TAFA5: variants seen among roughly 807,000 people sequenced by gnomAD.
TAFA5 encodes TAFA chemokine like family member 5.
A neutral mutation model predicts 15.3 loss-of-function variants in TAFA5; 6 were observed. The observed-to-expected ratio is 0.39, with a 90% CI of 0.21 to 0.77. TAFA5 has a LOEUF of 0.77. TAFA5 is among the 30% of genes least tolerant of loss of function. The probability of loss-of-function intolerance (pLI) is 0.41; values close to 1 mark genes in which losing one functional copy is unlikely to be tolerated. For missense variants in TAFA5, 161 were observed against 193.1 expected, an observed-to-expected ratio of 0.83 and a Z score of 0.98; for synonymous variants, 103 against 80.7, an observed-to-expected ratio of 1.28 and a Z score of -1.48.
intron 1 of TAFA5, among the ~76,000 whole-genome samples, chr22:48,573,925 T>C (rs956376077): frequency 2.0e-5 from 3 of 151,648 alleles, no homozygotes; most frequent in African/African-American, 7.3e-5. Flanking sequence ...GGGCCAGGGG[T>C]GAGCACATGT....
intron 2 of TAFA5, among the ~76,000 whole-genome samples, chr22:48,650,197 G>C (rs1275950693): frequency 6.6e-6 from 1 of 152,190 alleles, no homozygotes; most frequent in African/African-American, 2.4e-5. Context: ...ATGTGAGTAG[G>C]GTTGAAATCG....
chr22:48,624,522 G>T (rs1168945110), intron 1 of TAFA5, among the ~76,000 whole-genome samples: 1 of 152,210 alleles, frequency 6.6e-6, no homozygotes, highest in South Asian at 2.1e-4. Context: ...CACTCTCACT[G>T]TTTATCAGTG....
chr22:48,508,472 T>C (rs765387745), intron 1 of TAFA5, among the ~76,000 whole-genome samples: 3 of 151,956 alleles, frequency 2.0e-5, no homozygotes, highest in Non-Finnish European at 2.9e-5. Context: ...AACGGCGCCA[T>C]ATGAGGAGGA....
intron 1 of TAFA5, among the ~76,000 whole-genome samples, chr22:48,614,106 G>A (rs1043725508): frequency 7.2e-5 from 11 of 152,200 alleles, no homozygotes; most frequent in Middle Eastern, 3.4e-3. Flanking sequence ...CAGGACAGCC[G>A]GTGTGCTTGG....
chr22:48,513,859 G>A (rs1921311457), intron 1 of TAFA5, among the ~76,000 whole-genome samples: 2 of 152,212 alleles, frequency 1.3e-5, no homozygotes, highest in Admixed American at 1.3e-4. Flanking sequence ...TCTGGGCGCT[G>A]TGGGGGCCAA....
At chr22:48,727,867 G>A (rs924833817) in intron 3 of TAFA5, among the ~76,000 whole-genome samples, 12 of 152,198 alleles carry the variant, frequency 7.9e-5, no homozygotes, top group African/African-American at 2.4e-4. Context: ...AGTTCAGACT[G>A]TAATGAAAGT....
chr22:48,636,735 C>T (rs1443755912), intron 1 of TAFA5, among the ~76,000 whole-genome samples: 1 of 152,218 alleles, frequency 6.6e-6, no homozygotes, highest in African/African-American at 2.4e-5. Flanking sequence ...GCTGTGAAGC[C>T]TGGAGATGGC....
chr22:48,616,426 C>CCCTAATGCATCA (rs1297094555), intron 1 of TAFA5, among the ~76,000 whole-genome samples: 1 of 152,210 alleles, frequency 6.6e-6, no homozygotes, highest in Non-Finnish European at 1.5e-5. Context: ...CTGGGAGCAT[C>CCCTAATGCATCA]CCTAATGCAT....
chr22:48,670,141 C>A (rs75220874), intron 2 of TAFA5, among the ~76,000 whole-genome samples: 2 of 152,116 alleles, frequency 1.3e-5, no homozygotes, highest in African/African-American at 4.8e-5. Context: ...GACAGCTCTC[C>A]GGGCTGTGCG....
At chr22:48,622,973 C>T (rs896230823) in intron 1 of TAFA5, among the ~76,000 whole-genome samples, 5 of 152,246 alleles carry the variant, frequency 3.3e-5, no homozygotes, top group East Asian at 1.9e-4. Flanking sequence ...GTGGACACTT[C>T]GCTCCATTCA....
intron 1 of TAFA5, among the ~76,000 whole-genome samples, chr22:48,510,942 A>G (rs133516): frequency 0.95 from 144,710 of 152,356 alleles, 68,847 homozygotes; most frequent in East Asian, 1. Context: ...CATCTTTGGA[A>G]GATTTCTCAC....
chr22:48,646,454 C>A, intron 1 of TAFA5, 143 bp from the exon 2 acceptor site: 1 of 1,070,460 alleles, frequency 9.3e-7, no homozygotes, highest in Non-Finnish European at 1.3e-6. Context: ...GAGGTGCTTT[C>A]GGACGCTCCC....
chr22:48,489,619 C>T lies in TAFA5; in HGVS notation c.27C>T (p.Ser9=), dbSNP rs761275063. The T allele has an allele frequency of 1.2e-5, 18 of 1,505,634 alleles. No homozygotes were observed. The highest frequency in any genetic ancestry group is 8.9e-7 in the Non-Finnish European group (1 of 1,125,392). 93.3% of individuals were successfully genotyped at this position (1,505,634 alleles called of 1,614,324 possible). A position where few individuals can be genotyped will look rare whatever the true frequency, so the allele number is the denominator to read the frequency against. The change falls in exon 1 of 4, where the codon AGC becomes AGT. Residue 9 remains serine (S), a synonymous_variant. Coordinates refer to ENST00000402357, the MANE Select transcript of TAFA5 (RefSeq NM_001082967.3). The surrounding 1 kb of genome is among the most constrained non-coding windows in gnomAD (Gnocchi z 5.5). ...TGGCGCCATCGCCCAGGACCGGCAGCCGGCAAGATGCGACCGCCCTGCCCA... is the reference window on the plus strand; with the variant it reads ...TGGCGCCATCGCCCAGGACCGGCAGTCGGCAAGATGCGACCGCCCTGCCCA... MAPSPRTG[S]RQDATALPSM... is the part of the protein sequence containing the mutation.
chr22:48,506,664 C>T (rs1367044257), intron 1 of TAFA5, among the ~76,000 whole-genome samples: 3 of 152,190 alleles, frequency 2.0e-5, no homozygotes, highest in African/African-American at 2.4e-5. Flanking sequence ...CTGCCGGGTG[C>T]TGATGAGAAT....
chr22:48,602,036 G>C (rs1419808903), intron 1 of TAFA5, among the ~76,000 whole-genome samples: 1 of 152,176 alleles, frequency 6.6e-6, no homozygotes, highest in East Asian at 1.9e-4. Flanking sequence ...TAAGCCCTCA[G>C]AGGTCTGTGG....
intron 1 of TAFA5, among the ~76,000 whole-genome samples, chr22:48,493,308 A>T (rs1928218374): frequency 6.6e-6 from 1 of 152,204 alleles, no homozygotes; most frequent in Non-Finnish European, 1.5e-5. Context: ...ATTTCCAAAT[A>T]AATCCCGTCA....
intron 2 of TAFA5, among the ~76,000 whole-genome samples, chr22:48,658,499 G>A (rs752745148): frequency 3.9e-5 from 6 of 152,226 alleles, no homozygotes; most frequent in African/African-American, 7.2e-5. Flanking sequence ...CGTGAGTGAC[G>A]GAGCACCGTG....
chr22:48,528,007 T>C (rs1271354428), intron 1 of TAFA5, among the ~76,000 whole-genome samples: 1 of 152,256 alleles, frequency 6.6e-6, no homozygotes, highest in Non-Finnish European at 1.5e-5. Context: ...ATGTGACCCT[T>C]GGTGCAGGGC....
intron 1 of TAFA5, among the ~76,000 whole-genome samples, chr22:48,612,361 G>A (rs1925440583): frequency 1.3e-5 from 2 of 152,212 alleles, no homozygotes; most frequent in Admixed American, 6.5e-5. Context: ...CTCACAGCCT[G>A]TGCGCGTCTT....
Sources: gnomAD v4.1 joint callset for allele counts (sites outside exome capture counted in the v4.1 genomes callset) on GRCh38, gnomAD v4.1.1 for gene constraint, Gnocchi (gnomAD v3.1) non-coding constraint, MANE v1.5 for transcripts, NCBI Gene and HGNC (gene_info 2026-07-23, HGNC 2026-07-21) for gene names.